The following XYLT1 variants were observed in gnomAD, a reference collection of about 807,000 sequenced individuals.
XYLT1 encodes the protein xylosyltransferase 1, also known as beta-D-xylosyltransferase 1.
XYLT1 carries 36 observed loss-of-function variants against 91.3 expected under a neutral mutation model. The observed-to-expected ratio is 0.39, with a 90% CI of 0.30 to 0.52. The LOEUF is 0.52. Among genes scored for constraint, XYLT1 ranks in the 20% least tolerant of loss-of-function variants. The pLI, the probability that XYLT1 is intolerant of heterozygous loss-of-function variation, is 0.68. For missense variants in XYLT1, 1,242 were observed against 1,284.5 expected, an observed-to-expected ratio of 0.97 and a Z score of 0.51; for synonymous variants, 588 against 532.0, an observed-to-expected ratio of 1.11 and a Z score of -1.45.
At chr16:17,437,388 G>A (rs772740934) in intron 1 of XYLT1, among the ~76,000 whole-genome samples, 22 of 152,068 alleles carry the variant, frequency 1.4e-4, no homozygotes, top group South Asian at 6.2e-4. Flanking sequence ...GGCATCCTCC[G>A]CCTCCAATCG....
chr16:17,234,777 C>T (rs2033221655), intron 3 of XYLT1, among the ~76,000 whole-genome samples: 1 of 152,096 alleles, frequency 6.6e-6, no homozygotes, highest in Non-Finnish European at 1.5e-5. Context: ...GTGAACCCAG[C>T]ATTCCTTGGT....
intron 1 of XYLT1, among the ~76,000 whole-genome samples, chr16:17,404,232 A>C (rs2036002937): frequency 6.6e-6 from 1 of 152,180 alleles, no homozygotes; most frequent in Non-Finnish European, 1.5e-5. Context: ...GATGAAACCA[A>C]AAGAGTCTCA....
At chr16:17,248,745 A>AT (rs1045404682) in intron 3 of XYLT1, among the ~76,000 whole-genome samples, 58,306 of 126,980 alleles carry the variant, frequency 0.46, 14,746 homozygotes, top group African/African-American at 0.59. Flanking sequence ...TTACATGTGA[A>AT]TTTTTTTTTT....
chr16:17,116,956 C>G (rs59799219), intron 11 of XYLT1, among the ~76,000 whole-genome samples: 7,995 of 152,078 alleles, frequency 0.053, 685 homozygotes, highest in African/African-American at 0.18. Context: ...TTTTTTTCCT[C>G]TCTTTTATAG....
rs1033995495 is a variant in XYLT1, at chr16:17,108,349, C to T, written c.*346G>A. On this transcript the variant is annotated 3_prime_UTR_variant, in exon 12 of 12. Coordinates refer to ENST00000261381, the MANE Select transcript of XYLT1 (RefSeq NM_022166.4). Reference sequence around the variant, plus strand: ...TCCACTTATGACTGTGCTCCGTAAACGAAGTTCTGCTGCTCGAAAGAAAAG... The same window carrying T: ...TCCACTTATGACTGTGCTCCGTAAATGAAGTTCTGCTGCTCGAAAGAAAAG... The T allele has an allele frequency of 1.1e-4, 25 of 227,050 alleles. No individual in the cohort carries two copies. The highest frequency in any genetic ancestry group is 2.0e-4 in the Non-Finnish European group (23 of 116,688). The allele number at this position is 227,050 out of a possible 1,614,324, so 14.1% of individuals were successfully genotyped here.
intron 1 of XYLT1, among the ~76,000 whole-genome samples, chr16:17,361,269 A>T (rs1307628925): frequency 3.3e-5 from 5 of 152,228 alleles, no homozygotes; most frequent in African/African-American, 1.2e-4. Context: ...AGGATGCCAG[A>T]CACGTGAAAC....
chr16:17,110,729 G>C (rs1966839221), intron 11 of XYLT1, among the ~76,000 whole-genome samples: 1 of 152,186 alleles, frequency 6.6e-6, no homozygotes, highest in Non-Finnish European at 1.5e-5. Context: ...GATGGGGAAA[G>C]AGAGGCAGCT....
At chr16:17,193,785 G>C (rs1211145550) in intron 5 of XYLT1, 1 of 152,222 alleles carries the variant, frequency 6.6e-6, no homozygotes, top group African/African-American at 2.4e-5. Context: ...CATTGCCCAG[G>C]ATGAAACCAT....
At position 17,108,687 on chromosome 16, in the gene XYLT1, G is replaced by C. The variant is rs766094276; in HGVS notation, c.*8C>G. 2.6e-6 allele frequency: 4 copies of C among 1,556,824 alleles called. No homozygotes were observed. The African/African-American group carries it at 5.4e-5, about 21-fold the overall frequency. ...GATCCTGCTGTGGCCCACTCCTCGT[G>C]CCCAGTGCTACCTGAGCCGGCCATC... is the stretch of plus-strand genomic sequence containing the variant. On this transcript the variant is annotated 3_prime_UTR_variant, in exon 12 of 12. Transcript: ENST00000261381.
intron 3 of XYLT1, among the ~76,000 whole-genome samples, chr16:17,231,150 T>A (rs901409254): frequency 6.6e-6 from 1 of 152,250 alleles, no homozygotes; most frequent in Non-Finnish European, 1.5e-5. Flanking sequence ...CTTGAAAGGC[T>A]CTGACAAGGT....
intron 9 of XYLT1, among the ~76,000 whole-genome samples, chr16:17,130,823 A>G (rs555251309): frequency 1.3e-5 from 2 of 152,216 alleles, no homozygotes; most frequent in East Asian, 3.9e-4. Context: ...ACTTTGCTTC[A>G]TGCTTTCAGT....
At chr16:17,456,206 G>A (rs888231846) in intron 1 of XYLT1, among the ~76,000 whole-genome samples, 12 of 149,808 alleles carry the variant, frequency 8.0e-5, no homozygotes, top group Admixed American at 2.0e-4. Context: ...TTTCACACTC[G>A]ACCTTTTTTT....
At chr16:17,417,049 C>T (rs575821818) in intron 1 of XYLT1, among the ~76,000 whole-genome samples, 13 of 152,178 alleles carry the variant, frequency 8.5e-5, no homozygotes, top group African/African-American at 3.1e-4. Context: ...TTATGGATAG[C>T]TTGCAAGTTT....
chr16:17,231,350 T>C (rs1347377386), intron 3 of XYLT1, among the ~76,000 whole-genome samples: 1 of 152,162 alleles, frequency 6.6e-6, no homozygotes, highest in African/African-American at 2.4e-5. Flanking sequence ...CTACAGGGCC[T>C]TTCTCCCCAC....
chr16:17,258,917 C>T, intron 3 of XYLT1, 71 bp downstream of exon 3: 3 of 1,428,304 alleles, frequency 2.1e-6, no homozygotes, highest in Non-Finnish European at 2.8e-6. Context: ...AGAAGGTGAG[C>T]AGAATGGGGC....
chr16:17,270,648 C>T (rs1348102694), intron 2 of XYLT1, among the ~76,000 whole-genome samples: 1 of 152,234 alleles, frequency 6.6e-6, no homozygotes, highest in South Asian at 2.1e-4. Flanking sequence ...TGCTGATTAC[C>T]TACCAGGCAC....
intron 1 of XYLT1, among the ~76,000 whole-genome samples, chr16:17,444,580 C>T (rs2036570707): frequency 6.6e-6 from 1 of 151,520 alleles, no homozygotes; most frequent in African/African-American, 2.4e-5. Flanking sequence ...TTCCTGGTCT[C>T]AAGTGATCCT....
chr16:17,456,209 CT>C (rs138121598), intron 1 of XYLT1, among the ~76,000 whole-genome samples: 2 of 151,342 alleles, frequency 1.3e-5, no homozygotes, highest in Non-Finnish European at 2.9e-5. Flanking sequence ...CACACTCGAC[CT>C]TTTTTTTACA....
At chr16:17,376,423 A>C (rs1169267043) in intron 1 of XYLT1, among the ~76,000 whole-genome samples, 1 of 152,214 alleles carries the variant, frequency 6.6e-6, no homozygotes, top group Admixed American at 6.5e-5. Context: ...TCAGGGTACC[A>C]GCCACTCAAA....
Sources: allele counts gnomAD v4.1 joint callset (sites outside exome capture counted in the v4.1 genomes callset), GRCh38; gene constraint gnomAD v4.1.1; transcripts MANE v1.5; gene names NCBI Gene and HGNC (gene_info 2026-07-23, HGNC 2026-07-21).